The following ADCY10 variants were observed in gnomAD, a reference collection of about 807,000 sequenced individuals.
The protein encoded by ADCY10 is adenylate cyclase type 10.
A neutral mutation model predicts 183.3 loss-of-function variants in ADCY10; 156 were observed. The ratio of observed to expected loss-of-function variants is 0.85; its 90% CI spans 0.75 to 0.97. The LOEUF is 0.97. Ranked by LOEUF, ADCY10 falls within the 50% of genes least tolerant of loss-of-function variation. ADCY10 has a pLI of 0.00. For missense variants in ADCY10, 1,745 were observed against 1,934.3 expected (o/e 0.90, Z 1.84); for synonymous variants, 645 against 670.0 (o/e 0.96, Z 0.58).
At chr1:167,823,668 T>A (rs978789930) in intron 28 of ADCY10, among the ~76,000 whole-genome samples, 1 of 152,188 alleles carries the variant, frequency 6.6e-6, no homozygotes, top group Non-Finnish European at 1.5e-5. Flanking sequence ...TAAAGTCCCT[T>A]CCTGGTCTAG....
At chr1:167,848,602 A>C in intron 18 of ADCY10, 113 bp from the exon 19 acceptor site, 1 of 1,164,440 alleles carries the variant, frequency 8.6e-7, no homozygotes, top group Non-Finnish European at 1.2e-6. Flanking sequence ...GCAGAGATGT[A>C]TATTGGCTCA....
chr1:167,875,409 T>C (rs989623081), intron 12 of ADCY10, among the ~76,000 whole-genome samples: 1 of 108,684 alleles, frequency 9.2e-6, no homozygotes, highest in African/African-American at 4.3e-5. Context: ...CCATAGCATC[T>C]GGCACATTGT....
chr1:167,864,836 A>T (rs567811331), intron 14 of ADCY10, among the ~76,000 whole-genome samples: 18 of 151,846 alleles, frequency 1.2e-4, no homozygotes, highest in Admixed American at 8.5e-4. Context: ...TCCTTAACCC[A>T]GTAACCCACG....
chr1:167,909,351 T>C (rs1024214215), intron 1 of ADCY10, among the ~76,000 whole-genome samples: 1 of 152,174 alleles, frequency 6.6e-6, no homozygotes, highest in African/African-American at 2.4e-5. Context: ...TTCTTATTCA[T>C]GTGTTTTGGT....
intron 31 of ADCY10, 24 bp downstream of exon 31, chr1:167,818,048 T>C: frequency 1.2e-6 from 2 of 1,609,244 alleles, no homozygotes; most frequent in South Asian, 1.1e-5. Context: ...TATTTTATAC[T>C]GGAAACTGGA....
chr1:167,905,638 G>A (rs1383026443), intron 1 of ADCY10, among the ~76,000 whole-genome samples: 1 of 151,612 alleles, frequency 6.6e-6, no homozygotes, highest in Non-Finnish European at 1.5e-5. Flanking sequence ...GTGTGTGTGA[G>A]TGTATTTATA....
intron 14 of ADCY10, among the ~76,000 whole-genome samples, chr1:167,869,795 C>T (rs752312050): frequency 1.2e-4 from 18 of 151,988 alleles, no homozygotes; most frequent in Non-Finnish European, 8.8e-5. Flanking sequence ...AGCACCTTGA[C>T]GAGCTCGGAT....
chr1:167,825,029 T>C (rs1663178859), intron 26 of ADCY10, among the ~76,000 whole-genome samples, 174 bp from the exon 27 acceptor site: 1 of 152,274 alleles, frequency 6.6e-6, no homozygotes, highest in African/African-American at 2.4e-5. Flanking sequence ...GCTACCTGTT[T>C]ACTGAGTCAT....
intron 18 of ADCY10, among the ~76,000 whole-genome samples, chr1:167,849,841 G>A (rs1005670077): frequency 3.9e-5 from 6 of 152,182 alleles, no homozygotes; most frequent in Non-Finnish European, 8.8e-5. Context: ...AAGTGGAGGA[G>A]AGGCCAACGC....
intron 8 of ADCY10, among the ~76,000 whole-genome samples, chr1:167,886,888 T>G (rs1388703414): frequency 6.6e-6 from 1 of 152,154 alleles, no homozygotes; most frequent in Non-Finnish European, 1.5e-5. Context: ...GGGCAAAGGA[T>G]ATGAACAGAC....
intron 26 of ADCY10, among the ~76,000 whole-genome samples, chr1:167,827,744 G>A (rs1011331170): frequency 2.7e-5 from 4 of 150,198 alleles, no homozygotes; most frequent in Admixed American, 1.3e-4. Context: ...TTGGAGTCTC[G>A]CTCTTGTCAT....
At chr1:167,810,013 A>G (rs1460973274) in intron 32 of ADCY10, among the ~76,000 whole-genome samples, 174 bp from the exon 33 acceptor site, 1 of 152,226 alleles carries the variant, frequency 6.6e-6, no homozygotes, top group Non-Finnish European at 1.5e-5. Flanking sequence ...CTTTAAATAC[A>G]CACATATACT....
intron 31 of ADCY10, among the ~76,000 whole-genome samples, chr1:167,814,929 C>T (rs1393882608): frequency 6.6e-6 from 1 of 152,142 alleles, no homozygotes; most frequent in African/African-American, 2.4e-5. Flanking sequence ...AGTTCAGGAC[C>T]AGCCTGGCCA....
intron 32 of ADCY10, among the ~76,000 whole-genome samples, 160 bp from the exon 33 acceptor site, chr1:167,809,999 C>T (rs567758993): frequency 2.2e-4 from 34 of 152,216 alleles, no homozygotes; most frequent in Non-Finnish European, 4.4e-4. Context: ...ACTGACACAG[C>T]CCTCTTTAAA....
chr1:167,809,965 G>A (rs559883656), intron 32 of ADCY10, 126 bp from the exon 33 acceptor site: 10 of 902,888 alleles, frequency 1.1e-5, no homozygotes, highest in African/African-American at 4.9e-5. Flanking sequence ...AGACAAAAAC[G>A]AATCTTGCTG....
At position 167,893,934 on chromosome 1, in the gene ADCY10, CAGG is replaced by C; in HGVS notation, c.744_746del (p.Leu249del). On this transcript the variant is annotated inframe_deletion, in exon 8 of 33. Transcript: ENST00000367851. ...CAGGCTTCAGCGTGCATGCAAGCCT[CAGG>C]AGGTCTAAGAAGGCAGAAGGAGGGT... The C allele has an allele frequency of 6.2e-7, 1 of 1,612,968 alleles. No individual in the cohort carries two copies. Among genetic ancestry groups the C allele is most frequent in the Non-Finnish European group, 8.5e-7 (1 of 1,179,242 alleles).
chr1:167,894,957 G>A (rs1443797770), intron 7 of ADCY10, among the ~76,000 whole-genome samples: 1 of 152,124 alleles, frequency 6.6e-6, no homozygotes, highest in African/African-American at 2.4e-5. Context: ...GGCCAAGGCA[G>A]GCGGATCATG....
intron 18 of ADCY10, among the ~76,000 whole-genome samples, chr1:167,852,718 T>A (rs1406968760): frequency 4.7e-5 from 7 of 149,588 alleles, no homozygotes; most frequent in East Asian, 3.9e-4. Flanking sequence ...ATCACAATCA[T>A]CCAGAAAGAA....
Position 167,833,145 on chromosome 1 carries a change from G to C in ADCY10, c.3435C>G (p.Gly1145=), listed in dbSNP as rs571793212. The part of the protein sequence containing the change: ...SLKGEVCFNM[G]QIVLAKKMLR... Reference sequence around the variant, plus strand: ...GCATTTTCTTGGCAAGCACTATCTGGCCCATATTGAAACAGACCTACAGGG... The same window carrying C: ...GCATTTTCTTGGCAAGCACTATCTGCCCCATATTGAAACAGACCTACAGGG... Residue 1145 remains glycine, a synonymous_variant, in exon 25 of 33, where the codon GGC becomes GGG. Coordinates refer to ENST00000367851, the MANE Select transcript of ADCY10 (RefSeq NM_018417.6). 1 of 1,614,112 alleles carries C rather than the reference G, an allele frequency of 6.2e-7. No homozygotes were observed. Among genetic ancestry groups the C allele is most frequent in the Admixed American group, 1.7e-5 (1 of 60,016 alleles).
Sources: gnomAD v4.1 joint callset for allele counts (sites outside exome capture counted in the v4.1 genomes callset) on GRCh38, gnomAD v4.1.1 for gene constraint, MANE v1.5 for transcripts, NCBI Gene and HGNC (gene_info 2026-07-23, HGNC 2026-07-21) for gene names.